The following MAOB variants were observed in gnomAD, a reference collection of about 807,000 sequenced individuals.
The protein encoded by MAOB is amine oxidase [flavin-containing] B.
In MAOB, 15 loss-of-function variants were observed where a neutral mutation model predicts 41.9. The observed-to-expected ratio is 0.36, with a 90% CI of 0.24 to 0.55. The LOEUF (loss-of-function observed/expected upper bound fraction) is 0.55, where lower values mean the gene tolerates loss of function less well. MAOB is among the 20% of genes least tolerant of loss of function. The pLI is 0.86. For missense variants in MAOB, 345 were observed against 398.7 expected, an observed-to-expected ratio of 0.87 and a Z score of 1.15; for synonymous variants, 167 against 144.2, an observed-to-expected ratio of 1.16 and a Z score of -1.13.
chrX:43,829,744 T>C (rs918219319), intron 3 of MAOB, among the ~76,000 whole-genome samples: 4 of 112,423 alleles, frequency 3.6e-5, no homozygotes, highest in Admixed American at 1.9e-4. Context: ...TAATTTGCGA[T>C]GTACTGTAGG....
chrX:43,875,819 A>T (rs1190291239), intron 1 of MAOB, among the ~76,000 whole-genome samples: 1 of 111,944 alleles, frequency 8.9e-6, no homozygotes, highest in Non-Finnish European at 1.9e-5. Flanking sequence ...TTCAAGTACC[A>T]AGAAAAATTG....
chrX:43,820,823 A>G (rs772443337), intron 3 of MAOB, among the ~76,000 whole-genome samples: 1 of 112,553 alleles, frequency 8.9e-6, no homozygotes, highest in Non-Finnish European at 1.9e-5. Flanking sequence ...TAGTAAATGC[A>G]TAGATATTGA....
At chrX:43,857,650 C>T (rs749131991) in intron 1 of MAOB, among the ~76,000 whole-genome samples, 8 of 111,492 alleles carry the variant, frequency 7.2e-5, no homozygotes, top group Non-Finnish European at 1.3e-4. Flanking sequence ...TCCCCAATTT[C>T]TTGCTGCTCT....
In MAOB at chrX:43,769,549, T is replaced by G. The variant is rs62589715; in HGVS notation, c.1236-131A>C. 3,731 of 992,341 alleles carry G rather than the reference T, an allele frequency of 3.8e-3. 5 individuals carry two copies. The highest frequency in any genetic ancestry group is 4.5e-3 in the Non-Finnish European group (3,454 of 771,488). 81.8% of individuals were successfully genotyped at this position (992,341 alleles called of 1,213,427 possible). A position where few individuals can be genotyped will look rare whatever the true frequency, so the allele number is the denominator to read the frequency against. ...AAGAAGGACATTGGCAATTTTGGAA[T>G]AATGTTTATGTGGTTCCTCCAGCTC... On this transcript the variant is annotated intron_variant, in intron 12 of 14. Transcript: ENST00000378069.
At chrX:43,798,387 G>A (rs1284292268) in intron 5 of MAOB, among the ~76,000 whole-genome samples, 2 of 112,380 alleles carry the variant, frequency 1.8e-5, no homozygotes, top group African/African-American at 6.5e-5. Flanking sequence ...GGATATGCTA[G>A]GTGCTGTACC....
intron 3 of MAOB, among the ~76,000 whole-genome samples, chrX:43,830,584 T>C (rs1161228099): frequency 8.9e-6 from 1 of 111,956 alleles, no homozygotes; most frequent in Non-Finnish European, 1.9e-5. Flanking sequence ...TACTGGATTT[T>C]AAGGGGGAAA....
At chrX:43,791,309 G>A (rs758207811) in intron 8 of MAOB, among the ~76,000 whole-genome samples, 1 of 111,165 alleles carries the variant, frequency 9.0e-6, no homozygotes, top group Non-Finnish European at 1.9e-5. Flanking sequence ...CTGCAGTCTT[G>A]CTCCTCCTTG....
At chrX:43,850,636 GA>G (rs1010019793) in intron 1 of MAOB, 1 of 178,868 alleles carries the variant, frequency 5.6e-6, no homozygotes, top group Non-Finnish European at 8.8e-6. Flanking sequence ...CCCACAAAAT[GA>G]AAAAAAGAGA....
intron 11 of MAOB, among the ~76,000 whole-genome samples, chrX:43,775,871 A>T (rs951163026): frequency 8.9e-6 from 1 of 112,622 alleles, no homozygotes; most frequent in Non-Finnish European, 1.9e-5. Flanking sequence ...AAAGTAACCA[A>T]ACAGAAGCTT....
chrX:43,854,874 C>T (rs777025833), intron 1 of MAOB, among the ~76,000 whole-genome samples: 3 of 111,966 alleles, frequency 2.7e-5, no homozygotes, highest in African/African-American at 9.7e-5. Context: ...ATGCTTCATA[C>T]AAATTCTGTA....
rs143867760 is a variant in MAOB, at chrX:43,814,293, G to A, written c.280-10889C>T. Among the ~76,000 whole-genome samples, 35 of 112,116 alleles carry A rather than the reference G, an allele frequency of 3.1e-4. No homozygotes were observed. In the East Asian group the frequency reaches 9.6e-3, roughly 31 times the overall value. On this transcript the variant is annotated intron_variant, in intron 3 of 14. Transcript: ENST00000378069. ...GATGCCTTCCAAGAAGAAGGTGGCT[G>A]CCTCTGTGCTCTGGTCAAGCAGTTT...
intron 8 of MAOB, among the ~76,000 whole-genome samples, chrX:43,788,164 C>T (rs980587994): frequency 3.6e-5 from 4 of 110,720 alleles, no homozygotes; most frequent in Non-Finnish European, 5.7e-5. Context: ...CTTGGTGAGA[C>T]GGGAGGCAAG....
chrX:43,823,165 CTTTTTTTTTTT>C (rs1181398583), intron 3 of MAOB, among the ~76,000 whole-genome samples: 16 of 60,104 alleles, frequency 2.7e-4, no homozygotes, highest in African/African-American at 1.0e-3. Flanking sequence ...AACAGATGGT[CTTTTTTTTTTT>C]TTTTTTTTTT....
chrX:43,787,428 A>G (rs2034414470), intron 8 of MAOB, among the ~76,000 whole-genome samples: 1 of 112,139 alleles, frequency 8.9e-6, no homozygotes, highest in Non-Finnish European at 1.9e-5. Flanking sequence ...AAAGCTACAG[A>G]TATTAAAACA....
chrX:43,831,329 TA>T (rs756399739), intron 3 of MAOB, among the ~76,000 whole-genome samples: 94 of 111,207 alleles, frequency 8.5e-4, no homozygotes, highest in Admixed American at 4.6e-3. Flanking sequence ...TTTTTAAAAA[TA>T]AAAATGAGAG....
At chrX:43,845,361 T>C (rs1941718652) in intron 1 of MAOB, among the ~76,000 whole-genome samples, 1 of 112,333 alleles carries the variant, frequency 8.9e-6, no homozygotes, top group African/African-American at 3.2e-5. Flanking sequence ...TTCTGTGACT[T>C]TTAGACACCA....
intron 1 of MAOB, among the ~76,000 whole-genome samples, chrX:43,857,168 A>AAGAGAG (rs769153460): frequency 4.0e-5 from 1 of 24,870 alleles, no homozygotes; most frequent in African/African-American, 1.9e-4. Flanking sequence ...GAGAGAGAAG[A>AAGAGAG]AGAGAGAGAG....
intron 1 of MAOB, among the ~76,000 whole-genome samples, chrX:43,869,728 T>A (rs771998156): frequency 1.8e-5 from 2 of 112,367 alleles, no homozygotes; most frequent in South Asian, 3.7e-4. Flanking sequence ...ATTAAATCTC[T>A]GGACATGCTG....
rs867693088 is a variant in MAOB at position 43,769,511 on chromosome X, A to T, written c.1236-93T>A. ...GACCAATGCTGGTCAGCTTCCACAG[A>T]TTCTAAACAATCAAGAAGGACATTG... On this transcript the variant is annotated intron_variant, in intron 12 of 14. Coordinates refer to ENST00000378069, the MANE Select transcript of MAOB (RefSeq NM_000898.5). The T allele has an allele frequency of 2.6e-5, 27 of 1,058,809 alleles. 1 individual carries two copies. The Middle Eastern group carries it at 4.5e-3, about 175-fold the overall frequency. 87.3% of individuals were successfully genotyped at this position (1,058,809 alleles called of 1,213,427 possible).
Sources: allele counts gnomAD v4.1 joint callset (sites outside exome capture counted in the v4.1 genomes callset), GRCh38; gene constraint gnomAD v4.1.1; transcripts MANE v1.5; gene names NCBI Gene and HGNC (gene_info 2026-07-23, HGNC 2026-07-21).